HPSE2: variants seen among roughly 807,000 people sequenced by gnomAD.
HPSE2 encodes the protein heparanase 2 (inactive).
A neutral mutation model predicts 60.5 loss-of-function variants in HPSE2; 38 were observed. That is an observed-to-expected ratio of 0.63 (90% CI 0.48 to 0.82). HPSE2 has a LOEUF of 0.82. HPSE2 is among the 40% of genes least tolerant of loss of function. The probability of loss-of-function intolerance (pLI) is 0.00; values close to 1 mark genes in which losing one functional copy is unlikely to be tolerated. For missense variants in HPSE2, 713 were observed against 740.4 expected (o/e 0.96, Z 0.43); for synonymous variants, 295 against 293.2 (o/e 1.01, Z -0.06).
intron 9 of HPSE2, among the ~76,000 whole-genome samples, chr10:98,515,453 T>C (rs1256236126): frequency 6.6e-6 from 1 of 152,214 alleles, no homozygotes; most frequent in African/African-American, 2.4e-5. Context: ...GATCCAACTA[T>C]GGATACTTTG....
At chr10:98,716,184 A>G (rs939532208) in intron 5 of HPSE2, among the ~76,000 whole-genome samples, 1 of 151,950 alleles carries the variant, frequency 6.6e-6, no homozygotes, top group Admixed American at 6.6e-5. Context: ...GATTGCAACA[A>G]TCGAGTCACA....
the HPSE2 span, among the ~76,000 whole-genome samples, chr10:99,300,407 G>C: frequency 2.0e-5 from 3 of 152,142 alleles, no homozygotes; most frequent in African/African-American, 7.2e-5. Flanking sequence ...TTGGATATAG[G>C]AGTAGCCTAC....
At chr10:99,013,229 T>C (rs755513729) in intron 3 of HPSE2, 25 of 659,060 alleles carry the variant, frequency 3.8e-5, no homozygotes, top group Admixed American at 3.1e-4. Context: ...ACTGGGAGAT[T>C]TCTGCTACAG....
chr10:98,788,445 G>C (rs1950577881), intron 3 of HPSE2, among the ~76,000 whole-genome samples: 1 of 127,000 alleles, frequency 7.9e-6, no homozygotes, highest in Non-Finnish European at 1.7e-5. Context: ...GAGGCAGGCA[G>C]GCCTCCTTGA....
intron 9 of HPSE2, among the ~76,000 whole-genome samples, chr10:98,535,863 G>A (rs1943267037): frequency 6.6e-6 from 1 of 152,100 alleles, no homozygotes; most frequent in Non-Finnish European, 1.5e-5. Context: ...CACATATCAA[G>A]GCTTCCCAAG....
chr10:98,886,510 T>C (rs1953169791), intron 3 of HPSE2, among the ~76,000 whole-genome samples: 1 of 152,084 alleles, frequency 6.6e-6, no homozygotes, highest in South Asian at 2.1e-4. Context: ...AGATACATGC[T>C]AATGACTCAA....
chr10:99,103,944 C>A (rs536560533), intron 3 of HPSE2, among the ~76,000 whole-genome samples: 241 of 152,134 alleles, frequency 1.6e-3, no homozygotes, highest in Admixed American at 2.7e-3. Flanking sequence ...GAGAAAGCTG[C>A]AACTGGATCC....
Position 99,144,419 on chromosome 10 carries a change from A to C in HPSE2, c.449-20T>G. On this transcript the variant is annotated intron_variant, in intron 2 of 11. Transcript: ENST00000370552. Reference sequence around the variant, plus strand: ...CAATGTCTACAAAAAGAAAGAAAGAAGGCAGGCAGCAAAAACTAAAACAAA... The same window carrying C: ...CAATGTCTACAAAAAGAAAGAAAGACGGCAGGCAGCAAAAACTAAAACAAA... The C allele has an allele frequency of 6.2e-7, 1 of 1,611,676 alleles. No homozygotes were observed. Among genetic ancestry groups the C allele is most frequent in the Non-Finnish European group, 8.5e-7 (1 of 1,179,920 alleles).
At chr10:99,286,896 T>C in the HPSE2 span, among the ~76,000 whole-genome samples, 1 of 152,178 alleles carries the variant, frequency 6.6e-6, no homozygotes, top group African/African-American at 2.4e-5. Context: ...TAGATACTTT[T>C]ATCATCCCAT....
chr10:98,802,726 G>A (rs1950944479), intron 3 of HPSE2, among the ~76,000 whole-genome samples: 2 of 148,420 alleles, frequency 1.3e-5, no homozygotes, highest in South Asian at 4.3e-4. Flanking sequence ...ATCATTGTTG[G>A]ACATTTGGGT....
At chr10:98,517,009 C>T (rs1048074484) in intron 9 of HPSE2, among the ~76,000 whole-genome samples, 1 of 152,186 alleles carries the variant, frequency 6.6e-6, no homozygotes, top group Non-Finnish European at 1.5e-5. Context: ...AGCTCCCTGA[C>T]TCTCTGAGTG....
intron 3 of HPSE2, among the ~76,000 whole-genome samples, chr10:99,078,493 G>A (rs1843021101): frequency 6.6e-6 from 1 of 151,976 alleles, no homozygotes; most frequent in Non-Finnish European, 1.5e-5. Context: ...ATTATTTAGG[G>A]AATAATAACC....
At chr10:99,289,997 G>A in the HPSE2 span, among the ~76,000 whole-genome samples, 1 of 152,134 alleles carries the variant, frequency 6.6e-6, no homozygotes, top group Non-Finnish European at 1.5e-5. Context: ...AACTAAAAAT[G>A]GTTGCTTCTG....
intron 3 of HPSE2, among the ~76,000 whole-genome samples, chr10:98,973,831 T>C (rs1240549134): frequency 1.3e-5 from 2 of 151,236 alleles, no homozygotes; most frequent in African/African-American, 4.9e-5. Context: ...TTTTCCATAT[T>C]GCCTATAATG....
chr10:98,698,733 T>C (rs1056315816), intron 5 of HPSE2, among the ~76,000 whole-genome samples: 3 of 152,126 alleles, frequency 2.0e-5, no homozygotes, highest in African/African-American at 7.2e-5. Flanking sequence ...ACAAAACTGA[T>C]AGACTGCTAG....
chr10:98,811,033 G>A (rs1051950119), intron 3 of HPSE2, among the ~76,000 whole-genome samples: 1 of 151,990 alleles, frequency 6.6e-6, no homozygotes, highest in African/African-American at 2.4e-5. Flanking sequence ...GTATAACCCA[G>A]CCTTTGCCTT....
At chr10:99,304,757 T>G in the HPSE2 span, among the ~76,000 whole-genome samples, 6 of 152,242 alleles carry the variant, frequency 3.9e-5, no homozygotes, top group African/African-American at 1.4e-4. Flanking sequence ...CTTTGGCTAG[T>G]GGCTGAGATC....
intron 3 of HPSE2, among the ~76,000 whole-genome samples, chr10:98,889,974 C>T (rs920868111): frequency 3.3e-5 from 5 of 152,060 alleles, no homozygotes; most frequent in African/African-American, 1.2e-4. Context: ...AAAATACATC[C>T]AGAACATGAG....
chr10:98,988,258 C>T (rs1956423027), intron 3 of HPSE2, among the ~76,000 whole-genome samples: 1 of 152,300 alleles, frequency 6.6e-6, no homozygotes, highest in Non-Finnish European at 1.5e-5. Flanking sequence ...TACAAGGCTA[C>T]AGTAACCAAA....
Sources: gnomAD v4.1 joint callset for allele counts (sites outside exome capture counted in the v4.1 genomes callset) on GRCh38, gnomAD v4.1.1 for gene constraint, MANE v1.5 for transcripts, NCBI Gene and HGNC (gene_info 2026-07-23, HGNC 2026-07-21) for gene names.